The following DNM2 variants were observed in gnomAD, a reference collection of about 807,000 sequenced individuals.
The protein encoded by DNM2 is dynamin 2, also known as dynamin-2.
DNM2 carries 15 observed loss-of-function variants against 99.0 expected under a neutral mutation model. That is an observed-to-expected ratio of 0.15 (90% confidence interval 0.10 to 0.23). The LOEUF is 0.23. Ranked by LOEUF, DNM2 falls within the 10% of genes least tolerant of loss-of-function variation. The pLI, the probability that DNM2 is intolerant of heterozygous loss-of-function variation, is 1.00. For missense variants in DNM2, 742 were observed against 1,189.4 expected, an observed-to-expected ratio of 0.62 and a Z score of 5.53; for synonymous variants, 525 against 481.2, an observed-to-expected ratio of 1.09 and a Z score of -1.19.
At chr19:10,799,040 A>G (rs1368728820) in intron 11 of DNM2, among the ~76,000 whole-genome samples, 1 of 152,200 alleles carries the variant, frequency 6.6e-6, no homozygotes, top group Non-Finnish European at 1.5e-5. Context: ...AACGTGGGCA[A>G]CATAGCAAGA....
chr19:10,725,880 A>T (rs2069097511), intron 1 of DNM2, among the ~76,000 whole-genome samples: 1 of 151,962 alleles, frequency 6.6e-6, no homozygotes, highest in African/African-American at 2.4e-5. Context: ...GAGTCTCCTG[A>T]GTAGCTGGGA....
chr19:10,779,888 A>C (rs1191309401), intron 5 of DNM2, among the ~76,000 whole-genome samples: 1 of 151,804 alleles, frequency 6.6e-6, no homozygotes, highest in African/African-American at 2.4e-5. Flanking sequence ...TCCTGACCTC[A>C]TGTGATCCAC....
chr19:10,782,190 G>C (rs760681981), intron 5 of DNM2, among the ~76,000 whole-genome samples: 9 of 151,804 alleles, frequency 5.9e-5, no homozygotes, highest in Admixed American at 6.6e-5. Context: ...GTGCTACCAC[G>C]CCTCGCTAAT....
Position 10,811,517 on chromosome 19 carries a change from G to A in DNM2, c.1558-747G>A, listed in dbSNP as rs1011067187. 1.1e-5 allele frequency: 4 copies of A among 359,564 alleles called. No homozygotes were observed. The highest frequency in any genetic ancestry group is 8.6e-5 in the African/African-American group (4 of 46,642). 22.3% of individuals were successfully genotyped at this position (359,564 alleles called of 1,614,324 possible). On this transcript the variant is annotated intron_variant, in intron 14 of 20. Transcript: ENST00000389253. This position sits in a 1 kb window ranked among gnomAD's most constrained non-coding sequence, Gnocchi z 5.4. ...GCTTGGCCAAGTCTGTCAGTGCCTGGGTCCCAGGCCGCCCTGTGCGTGCCT... is the reference window on the plus strand; with the variant it reads ...GCTTGGCCAAGTCTGTCAGTGCCTGAGTCCCAGGCCGCCCTGTGCGTGCCT...
In DNM2 at chr19:10,818,529, T is replaced by C. The variant is rs1208139357; in HGVS notation, c.1672-1451T>C. On this transcript the variant is annotated intron_variant, in intron 15 of 20. Transcript: ENST00000389253. This position sits in a 1 kb window ranked among gnomAD's most constrained non-coding sequence, Gnocchi z 4.3. Reference sequence around the variant, plus strand: ...GGCAGGGCTGGCATCACCTCAACCATGCTGAGCTCCTAACGCCCTGAGGCT... The same window carrying C: ...GGCAGGGCTGGCATCACCTCAACCACGCTGAGCTCCTAACGCCCTGAGGCT... Among the ~76,000 whole-genome samples, 1 of 152,150 alleles carries C rather than the reference T, an allele frequency of 6.6e-6. No individual in the cohort carries two copies. The highest frequency in any genetic ancestry group is 1.9e-4 in the East Asian group (1 of 5,174).
At position 10,772,985 on chromosome 19, in the gene DNM2, T is replaced by TG. The variant is rs904798045; in HGVS notation, c.385+357_385+358insG. On this transcript the variant is annotated intron_variant, in intron 3 of 20. Transcript: ENST00000389253. This position sits in a 1 kb window ranked among gnomAD's most constrained non-coding sequence, Gnocchi z 4.9. ...CTTCTGTAAAATATCCTGGGTTTTT[T>TG]TTTTTTTTTTTTGAGACAGAGTCTT... Among the ~76,000 whole-genome samples, 12 of 149,752 alleles carry TG rather than the reference T, an allele frequency of 8.0e-5. No individual in the cohort carries two copies. The highest frequency in any genetic ancestry group is 1.3e-4 in the Non-Finnish European group (9 of 67,308).
intron 2 of DNM2, among the ~76,000 whole-genome samples, chr19:10,766,675 G>A (rs2070807354): frequency 6.6e-6 from 1 of 151,926 alleles, no homozygotes; most frequent in Admixed American, 6.6e-5. Flanking sequence ...CTTCAGTAGG[G>A]GACACAGGCT....
At chr19:10,718,594 C>A in intron 1 of DNM2, 191 bp downstream of exon 1, 1 of 839,450 alleles carries the variant, frequency 1.2e-6, no homozygotes, top group Non-Finnish European at 1.6e-6. Context: ...GGCTCCGGAG[C>A]AGGCCCGGGC....
intron 5 of DNM2, 43 bp downstream of exon 5, chr19:10,777,259 G>A: frequency 6.3e-7 from 1 of 1,590,256 alleles, no homozygotes; most frequent in Non-Finnish European, 8.6e-7. Context: ...GATGGGTGGG[G>A]TCCTTATCAT....
intron 1 of DNM2, among the ~76,000 whole-genome samples, chr19:10,740,327 T>C (rs1161258485): frequency 6.6e-6 from 1 of 152,150 alleles, no homozygotes. Flanking sequence ...CTGAGGTTCT[T>C]GAAGTGGAAG....
chr19:10,762,487 G>A (rs1194023087), intron 2 of DNM2, among the ~76,000 whole-genome samples: 2 of 152,136 alleles, frequency 1.3e-5, no homozygotes, highest in African/African-American at 2.4e-5. Context: ...TGTGTTTCCT[G>A]TCTGGACAGT....
At chr19:10,770,095 G>T (rs1030358260) in intron 2 of DNM2, among the ~76,000 whole-genome samples, 2 of 152,202 alleles carry the variant, frequency 1.3e-5, no homozygotes, top group Non-Finnish European at 2.9e-5. Flanking sequence ...AGGCGCAACG[G>T]GACCACACGC....
intron 1 of DNM2, among the ~76,000 whole-genome samples, chr19:10,758,070 G>T (rs926979992): frequency 5.9e-5 from 9 of 151,380 alleles, no homozygotes; most frequent in Non-Finnish European, 1.2e-4. Flanking sequence ...TTCTACTTCA[G>T]TCCTCACTGG....
In DNM2 at chr19:10,798,586, GTCT is replaced by G. The variant is rs1568307134; in HGVS notation, c.1422+19_1422+21del. 1.2e-6 allele frequency: 2 copies of G among 1,614,160 alleles called. No individual in the cohort carries two copies. Among genetic ancestry groups the G allele is most frequent in the Non-Finnish European group, 1.7e-6 (2 of 1,179,998 alleles). On this transcript the variant is annotated intron_variant, in intron 11 of 20. Coordinates refer to ENST00000389253, the MANE Select transcript of DNM2 (RefSeq NM_001005361.3). ...ACGAAGGACCAGGTACTGGCCTTTT[GTCT>G]TCTTTATTGGGTATAATTTACATGC...
chr19:10,819,220 TG>T (rs2072886101), intron 15 of DNM2, among the ~76,000 whole-genome samples: 1 of 152,150 alleles, frequency 6.6e-6, no homozygotes, highest in Non-Finnish European at 1.5e-5. Context: ...AAGACCAGCC[TG>T]GGCAACATAG....
At chr19:10,761,175 G>C (rs1205221387) in intron 2 of DNM2, among the ~76,000 whole-genome samples, 1 of 151,902 alleles carries the variant, frequency 6.6e-6, no homozygotes, top group Non-Finnish European at 1.5e-5. Context: ...TTTTAGTAGA[G>C]ATGGGATTTC....
Position 10,812,375 on chromosome 19 carries a change from G to A in DNM2, c.1669G>A (p.Glu557Lys). The part of the protein sequence containing the change: ...AESLSWYKDE[E>K]EKEKKYMLPL... ...GTCACTGTCCTGGTACAAGGATGAGGAGGTGAGTGGCAGGCGGGAGCAGGG... is the reference window on the plus strand; with the variant it reads ...GTCACTGTCCTGGTACAAGGATGAGAAGGTGAGTGGCAGGCGGGAGCAGGG... Residue 557 changes from glutamate (E) to lysine (K), a missense_variant and splice_region_variant, in exon 15 of 21, where the codon GAG (glutamate) becomes AAG (lysine). Glu to Lys is a moderately conservative substitution (Grantham distance 56, BLOSUM62 1). Coordinates refer to ENST00000389253, the MANE Select transcript of DNM2 (RefSeq NM_001005361.3). This position sits in a 1 kb window ranked among gnomAD's most constrained non-coding sequence, Gnocchi z 4.0. 6.2e-7 allele frequency: 1 copy of A among 1,605,364 alleles called. No homozygotes were observed. Among genetic ancestry groups the A allele is most frequent in the Non-Finnish European group, 8.5e-7 (1 of 1,175,370 alleles).
intron 15 of DNM2, among the ~76,000 whole-genome samples, chr19:10,819,101 T>G (rs1599618385): frequency 6.6e-6 from 1 of 152,218 alleles, no homozygotes; most frequent in East Asian, 1.9e-4. Flanking sequence ...GGCTGGCACT[T>G]GGTGCTTCCT....
At chr19:10,720,208 A>T (rs574038793) in intron 1 of DNM2, among the ~76,000 whole-genome samples, 72 of 142,290 alleles carry the variant, frequency 5.1e-4, no homozygotes, top group Non-Finnish European at 9.3e-4. Flanking sequence ...TATTTTATTT[A>T]TTTATTTATT....
Sources: gnomAD v4.1 joint callset for allele counts (sites outside exome capture counted in the v4.1 genomes callset) on GRCh38, gnomAD v4.1.1 for gene constraint, Gnocchi (gnomAD v3.1) non-coding constraint, MANE v1.5 for transcripts, NCBI Gene and HGNC (gene_info 2026-07-23, HGNC 2026-07-21) for gene names.